ADAMTS12: variants seen among roughly 807,000 people sequenced by gnomAD.
ADAMTS12 encodes A disintegrin and metalloproteinase with thrombospondin motifs 12.
Under a neutral mutation model 167.8 loss-of-function variants are expected in ADAMTS12, and 118 were observed. The ratio of observed to expected loss-of-function variants is 0.70; its 90% CI spans 0.61 to 0.82. ADAMTS12 has a LOEUF of 0.82. Among genes scored for constraint, ADAMTS12 ranks in the 40% least tolerant of loss-of-function variants. ADAMTS12 has a pLI of 0.00. For missense variants in ADAMTS12, 1,916 were observed against 1,998.8 expected (o/e 0.96, Z 0.79); for synonymous variants, 704 against 716.9 (o/e 0.98, Z 0.29).
intron 12 of ADAMTS12, among the ~76,000 whole-genome samples, chr5:33,631,270 G>A (rs1297223695): frequency 1.3e-5 from 2 of 152,072 alleles, no homozygotes; most frequent in Admixed American, 6.6e-5. Context: ...ATAAGTTATT[G>A]CAACCAGCCA....
chr5:33,565,797 C>A (rs914448756), intron 19 of ADAMTS12, among the ~76,000 whole-genome samples: 1 of 150,194 alleles, frequency 6.7e-6, no homozygotes, highest in African/African-American at 2.4e-5. Flanking sequence ...ATAATCAAAA[C>A]GTGTTAATTA....
At position 33,889,274 on chromosome 5, in the gene ADAMTS12, C is replaced by T. The variant is rs535527085; in HGVS notation, c.127+2456G>A. ...GATCAGTCTGGACAACATAGCTAGA[C>T]CTCATCTCTATTAAAAAAAAAATTA... On this transcript the variant is annotated intron_variant, in intron 1 of 23. Transcript: ENST00000504830. Among the ~76,000 whole-genome samples the T allele has an allele frequency of 3.8e-4, 56 of 148,896 alleles. 1 individual carries two copies. In the South Asian group the frequency reaches 0.011, roughly 29 times the overall value.
chr5:33,625,379 G>A (rs568788647), intron 13 of ADAMTS12, among the ~76,000 whole-genome samples: 2 of 152,026 alleles, frequency 1.3e-5, no homozygotes, highest in African/African-American at 4.8e-5. Flanking sequence ...GGTGCCTTTA[G>A]TGACTATGAG....
At chr5:33,786,981 G>A (rs1746349426) in intron 2 of ADAMTS12, among the ~76,000 whole-genome samples, 1 of 151,486 alleles carries the variant, frequency 6.6e-6, no homozygotes, top group Non-Finnish European at 1.5e-5. Flanking sequence ...GTTACAGTTA[G>A]GACCAAATCA....
chr5:33,614,190 C>T (rs760602509), intron 16 of ADAMTS12, 48 bp downstream of exon 16: 1 of 1,598,634 alleles, frequency 6.3e-7, no homozygotes, highest in Admixed American at 1.7e-5. Flanking sequence ...CCTCTACAAA[C>T]TGCTCTGAGG....
rs373650661 is a variant in ADAMTS12, at chr5:33,576,035, G to A, written c.3972+19C>T. ...CTTTTTTCCATGTAAAACCAGGCCA[G>A]GGGTAGGAAATGTCTTACCTCGCTC... is the stretch of plus-strand genomic sequence containing the variant. On this transcript the variant is annotated intron_variant, in intron 19 of 23. Coordinates refer to ENST00000504830, the MANE Select transcript of ADAMTS12 (RefSeq NM_030955.4). 1.3e-4 allele frequency: 208 copies of A among 1,596,168 alleles called. No homozygotes were observed. The highest frequency in any genetic ancestry group is 1.5e-4 in the Non-Finnish European group (178 of 1,170,512).
intron 3 of ADAMTS12, among the ~76,000 whole-genome samples, chr5:33,690,375 C>T (rs1197399786): frequency 5.3e-5 from 8 of 151,986 alleles, no homozygotes; most frequent in Non-Finnish European, 1.0e-4. Flanking sequence ...AATGAAGCAA[C>T]CTGAGTCTAA....
At chr5:33,635,034 T>C (rs554502481) in intron 12 of ADAMTS12, among the ~76,000 whole-genome samples, 2 of 152,240 alleles carry the variant, frequency 1.3e-5, no homozygotes, top group East Asian at 1.9e-4. Context: ...GCTGTATTGA[T>C]GTATTATATT....
chr5:33,783,473 C>T (rs971694973), intron 2 of ADAMTS12, among the ~76,000 whole-genome samples: 1 of 151,640 alleles, frequency 6.6e-6, no homozygotes, highest in Non-Finnish European at 1.5e-5. Flanking sequence ...TCAGCAAAAT[C>T]AATTAGCTAG....
intron 13 of ADAMTS12, among the ~76,000 whole-genome samples, chr5:33,626,319 GTGA>G (rs1389083922): frequency 2.0e-5 from 3 of 151,250 alleles, no homozygotes; most frequent in Non-Finnish European, 3.0e-5. Flanking sequence ...AATGGTGGCA[GTGA>G]TGATGGTGGT....
rs371530789 is a variant in ADAMTS12 at position 33,576,041 on chromosome 5, G to T, written c.3972+13C>A. 488 of 1,600,716 alleles carry T rather than the reference G, an allele frequency of 3.0e-4. No homozygotes were observed. In the African/African-American group the frequency reaches 5.9e-3, roughly 19 times the overall value. On this transcript the variant is annotated intron_variant, in intron 19 of 23. Transcript: ENST00000504830. ...TCCATGTAAAACCAGGCCAGGGGTA[G>T]GAAATGTCTTACCTCGCTCCAGTTT...
intron 2 of ADAMTS12, among the ~76,000 whole-genome samples, chr5:33,767,444 G>C (rs960874997): frequency 6.6e-6 from 1 of 151,948 alleles, no homozygotes; most frequent in African/African-American, 2.4e-5. Flanking sequence ...GTGCCTTTCT[G>C]TATTTATCCA....
At chr5:33,829,469 C>T (rs1447093224) in intron 2 of ADAMTS12, among the ~76,000 whole-genome samples, 14 of 152,124 alleles carry the variant, frequency 9.2e-5, no homozygotes. Context: ...CCAGCCAGGA[C>T]CTTCCCTCCC....
chr5:33,614,412 T>G (rs1395127028), intron 15 of ADAMTS12, 36 bp from the exon 16 acceptor site: 1 of 1,610,964 alleles, frequency 6.2e-7, no homozygotes, highest in Non-Finnish European at 8.5e-7. Flanking sequence ...CAAACTGTCA[T>G]GACTTTATAC....
intron 19 of ADAMTS12, among the ~76,000 whole-genome samples, chr5:33,562,924 G>A (rs535163211): frequency 3.9e-5 from 6 of 152,192 alleles, no homozygotes; most frequent in African/African-American, 9.6e-5. Flanking sequence ...GAGTCACCAC[G>A]CCTGGCCTTC....
intron 7 of ADAMTS12, among the ~76,000 whole-genome samples, chr5:33,653,857 C>A (rs1740949606): frequency 6.6e-6 from 1 of 152,166 alleles, no homozygotes; most frequent in African/African-American, 2.4e-5. Context: ...ATCCAATTTG[C>A]AGAATTTTCA....
intron 3 of ADAMTS12, among the ~76,000 whole-genome samples, chr5:33,717,328 G>T (rs1743651391): frequency 6.6e-6 from 1 of 152,140 alleles, no homozygotes; most frequent in Middle Eastern, 3.4e-3. Context: ...TGACTTTCCA[G>T]CCTCTTTTTC....
chr5:33,569,366 C>T lies in ADAMTS12; in HGVS notation c.3972+6688G>A, dbSNP rs112792178. Among the ~76,000 whole-genome samples the T allele has an allele frequency of 8.2e-4, 125 of 152,308 alleles. 1 individual carries two copies. Among genetic ancestry groups the T allele is most frequent in the African/African-American group, 2.8e-3 (116 of 41,574 alleles). On this transcript the variant is annotated intron_variant, in intron 19 of 23. Coordinates refer to ENST00000504830, the MANE Select transcript of ADAMTS12 (RefSeq NM_030955.4). ...ACCCCCCAGTAGGGGCAGACTGACA[C>T]CTCACACGGTCAGGTACTCCTCTGA...
chr5:33,687,531 G>A (rs535738877), intron 3 of ADAMTS12, among the ~76,000 whole-genome samples: 5 of 152,230 alleles, frequency 3.3e-5, no homozygotes, highest in Admixed American at 2.0e-4. Context: ...AGTATGTGAC[G>A]TGATCCTTGA....
Sources: allele counts gnomAD v4.1 joint callset (sites outside exome capture counted in the v4.1 genomes callset), GRCh38; gene constraint gnomAD v4.1.1; transcripts MANE v1.5; gene names NCBI Gene and HGNC (gene_info 2026-07-23, HGNC 2026-07-21).